Variants in TTK observed in about 807,000 individuals in gnomAD.
TTK encodes the protein dual specificity protein kinase TTK.
TTK carries 59 observed loss-of-function variants against 117.3 expected under a neutral mutation model. The observed-to-expected ratio is 0.50, with a 90% confidence interval of 0.41 to 0.62. TTK has a LOEUF of 0.62. Among genes scored for constraint, TTK ranks in the 20% least tolerant of loss-of-function variants. TTK has a pLI of 0.00. For synonymous variants in TTK, 302 were observed against 325.0 expected, an observed-to-expected ratio of 0.93 and a Z score of 0.76; for missense variants, 921 against 989.4, an observed-to-expected ratio of 0.93 and a Z score of 0.93.
chr6:80,013,470 A>C, intron 9 of TTK, 104 bp downstream of exon 9: 1 of 942,450 alleles, frequency 1.1e-6, no homozygotes, highest in Non-Finnish European at 1.6e-6. Flanking sequence ...TAGTTCATGT[A>C]TCTCCAACAG....
intron 10 of TTK, among the ~76,000 whole-genome samples, chr6:80,021,569 T>A (rs1386056291): frequency 6.6e-6 from 1 of 152,132 alleles, no homozygotes; most frequent in African/African-American, 2.4e-5. Context: ...GCTCATGCCC[T>A]CAAAAGACCA....
At chr6:80,016,331 C>A (rs2127672946) in intron 10 of TTK, among the ~76,000 whole-genome samples, 1 of 152,248 alleles carries the variant, frequency 6.6e-6, no homozygotes, top group East Asian at 1.9e-4. Flanking sequence ...CTTAGACCAG[C>A]AATTATGTTG....
At chr6:80,024,013 GA>G (rs1767538271) in intron 11 of TTK, among the ~76,000 whole-genome samples, 1 of 152,104 alleles carries the variant, frequency 6.6e-6, no homozygotes, top group Non-Finnish European at 1.5e-5. Context: ...TAAGGGAACT[GA>G]AAACCATATG....
In TTK at chr6:80,036,521, T is replaced by C. The variant is rs1413105231; in HGVS notation, c.1971T>C (p.Asp657=). 1 of 1,611,856 alleles carries C rather than the reference T, an allele frequency of 6.2e-7. No individual in the cohort carries two copies. Among genetic ancestry groups the C allele is most frequent in the South Asian group, 1.1e-5 (1 of 90,706 alleles). The change falls in exon 17 of 22, where the codon GAT becomes GAC. Residue 657 remains aspartate (D), a synonymous_variant. Coordinates refer to ENST00000369798, the MANE Select transcript of TTK (RefSeq NM_003318.5). ...AACCAGCTAACTTTCTGATAGTTGA[T>C]GGAATGCTAAAGCTAATTGATTTTG... The part of the protein sequence containing the change: ...DLKPANFLIV[D]GMLKLIDFGI...
chr6:80,011,571 T>TAAA (rs1767155671), intron 6 of TTK, 23 bp downstream of exon 6: 2 of 1,582,018 alleles, frequency 1.3e-6, no homozygotes, highest in South Asian at 2.3e-5. Flanking sequence ...AAACAGTTTT[T>TAAA]AAATGTTCAT....
At chr6:80,036,699 T>C in intron 17 of TTK, 100 bp downstream of exon 17, 1 of 1,263,060 alleles carries the variant, frequency 7.9e-7, no homozygotes, top group Non-Finnish European at 1.1e-6. Flanking sequence ...ATCACCTCAT[T>C]CTTCAAAGGA....
At position 80,014,515 on chromosome 6, in the gene TTK, C is replaced by T; in HGVS notation, c.1037C>T (p.Ser346Phe). The T allele has an allele frequency of 6.2e-7, 1 of 1,609,900 alleles. No homozygotes were observed. Among genetic ancestry groups the T allele is most frequent in the East Asian group, 2.2e-5 (1 of 44,668 alleles). ...CCTCTGGTGTCAGATGAAAAGAGTT[C>T]TGAACTTATTATTACTGATTCAATA... ...KEPLVSDEKSSELIITDSITL... is the reference protein window; with the variant it reads ...KEPLVSDEKSFELIITDSITL... The change falls in exon 10 of 22, where the codon TCT becomes TTT. Residue 346 changes from serine (S) to phenylalanine (F), a missense_variant. Physicochemically the swap from Ser to Phe is radical, Grantham distance 155. Transcript: ENST00000369798.
chr6:80,034,607 A>G (rs541977537), intron 14 of TTK, among the ~76,000 whole-genome samples: 8 of 152,240 alleles, frequency 5.3e-5, no homozygotes, highest in African/African-American at 1.7e-4. Context: ...GGATTAAAGG[A>G]GCAAACTACT....
intron 13 of TTK, among the ~76,000 whole-genome samples, chr6:80,030,427 G>A (rs1422327742): frequency 6.6e-6 from 1 of 152,164 alleles, no homozygotes; most frequent in African/African-American, 2.4e-5. Context: ...GGACAAAGTT[G>A]GGGGCTGTAT....
rs144229618 is a variant in TTK, at chr6:80,031,501, C to T, written c.1556C>T (p.Ser519Leu). 3.0e-5 allele frequency: 46 copies of T among 1,519,014 alleles called. No homozygotes were observed. The highest frequency in any genetic ancestry group is 1.1e-4 in the Admixed American group (5 of 46,368). 94.1% of individuals were successfully genotyped at this position (1,519,014 alleles called of 1,614,324 possible). A position where few individuals can be genotyped will look rare whatever the true frequency, so the allele number is the denominator to read the frequency against. ...LASSSANECI[S>L]VKGRIYSILK... ...TCTTCTTCAGCAAATGAATGCATTTCGGTTAAAGGAAGAATTTATTCCATA... is the reference window on the plus strand; with the variant it reads ...TCTTCTTCAGCAAATGAATGCATTTTGGTTAAAGGAAGAATTTATTCCATA... Residue 519 changes from serine (S) to leucine (L), a missense_variant, in exon 14 of 22, where the codon TCG becomes TTG. By Grantham distance (145) the Ser-to-Leu change is moderately radical. Transcript: ENST00000369798.
At chr6:80,032,698 G>A (rs918051538) in intron 14 of TTK, among the ~76,000 whole-genome samples, 3 of 152,118 alleles carry the variant, frequency 2.0e-5, no homozygotes, top group Non-Finnish European at 4.4e-5. Context: ...GATCTTGTTA[G>A]TTCTACTTCA....
intron 2 of TTK, among the ~76,000 whole-genome samples, chr6:80,007,553 A>C (rs1271668197): frequency 6.6e-6 from 1 of 152,064 alleles, no homozygotes; most frequent in Non-Finnish European, 1.5e-5. Context: ...TTACAAAAAA[A>C]CTCACTTATT....
rs762802143 is a variant in TTK, at chr6:80,042,149, A to C, written c.2521A>C (p.Ser841Arg). 6.2e-7 allele frequency: 1 copy of C among 1,602,506 alleles called. No individual in the cohort carries two copies. The highest frequency in any genetic ancestry group is 1.1e-5 in the South Asian group (1 of 89,416). Residue 841 changes from serine to arginine, a missense_variant, in exon 22 of 22, where the codon AGT becomes CGT. Transcript: ENST00000369798. The stretch of plus-strand genomic sequence containing the variant: ...ATATGAACACTATAGTGGTGGTGAA[A>C]GTCATAATTCTTCATCCTCCAAGAC... ...TLYEHYSGGE[S>R]HNSSSSKTFE...
chr6:80,006,595 A>G (rs1767000923), intron 2 of TTK, among the ~76,000 whole-genome samples: 1 of 152,288 alleles, frequency 6.6e-6, no homozygotes, highest in East Asian at 1.9e-4. Flanking sequence ...GAGAATTTAT[A>G]TATTCACTAT....
Position 80,011,935 on chromosome 6 carries a change from G to T in TTK, c.851G>T (p.Cys284Phe), listed in dbSNP as rs1242337078. 3 of 1,612,356 alleles carry T rather than the reference G, an allele frequency of 1.9e-6. No homozygotes were observed. In the South Asian group the frequency reaches 3.3e-5, roughly 18 times the overall value. Residue 284 changes from cysteine (C) to phenylalanine (F), a missense_variant, in exon 8 of 22, where the codon TGT becomes TTT. By Grantham distance (205) the Cys-to-Phe change is radical. Coordinates refer to ENST00000369798, the MANE Select transcript of TTK (RefSeq NM_003318.5). ...VPVNLLNSPD[C>F]DVKTDDSVVP... is the part of the protein sequence containing the mutation. ...GTTAACCTTCTAAATAGCCCAGATT[G>T]TGATGTGAAGACAGATGATTCAGTT...
intron 4 of TTK, among the ~76,000 whole-genome samples, chr6:80,009,059 T>G (rs1767076176): frequency 6.6e-6 from 1 of 151,982 alleles, no homozygotes. Context: ...TGGATTTTTT[T>G]GGGTAGGACC....
At position 80,040,654 on chromosome 6, in the gene TTK, G is replaced by C. The variant is rs749759214; in HGVS notation, c.2441G>C (p.Gly814Ala). 22 of 1,611,718 alleles carry C rather than the reference G, an allele frequency of 1.4e-5. No individual in the cohort carries two copies. The highest frequency in any genetic ancestry group is 1.7e-5 in the Non-Finnish European group (20 of 1,178,558). Residue 814 changes from glycine to alanine, a missense_variant, in exon 21 of 22, where the codon GGC becomes GCC. Coordinates refer to ENST00000369798, the MANE Select transcript of TTK (RefSeq NM_003318.5). ...ACTGAAGAAATGAAATATGTTCTGG[G>C]CCAACTTGTTGGTCTGAATTCTCCT... ...GTTEEMKYVL[G>A]QLVGLNSPNS...
chr6:80,016,845 A>C (rs1000079763), intron 10 of TTK, among the ~76,000 whole-genome samples: 1 of 152,298 alleles, frequency 6.6e-6, no homozygotes, highest in East Asian at 1.9e-4. Flanking sequence ...TATTTTAACA[A>C]AGAGCCATAA....
rs777230377 is a variant in TTK at position 80,014,520 on chromosome 6, CTTA to C, written c.1049_1051del (p.Ile350del). On this transcript the variant is annotated inframe_deletion, in exon 10 of 22. Coordinates refer to ENST00000369798, the MANE Select transcript of TTK (RefSeq NM_003318.5). ...GGTGTCAGATGAAAAGAGTTCTGAA[CTTA>C]TTATTACTGATTCAATAACCCTGAA... 6.8e-6 allele frequency: 11 copies of C among 1,609,598 alleles called. No homozygotes were observed. The highest frequency in any genetic ancestry group is 1.3e-5 in the African/African-American group (1 of 74,718).
Sources: gnomAD v4.1 joint callset for allele counts (sites outside exome capture counted in the v4.1 genomes callset) on GRCh38, gnomAD v4.1.1 for gene constraint, MANE v1.5 for transcripts, NCBI Gene and HGNC (gene_info 2026-07-23, HGNC 2026-07-21) for gene names.